KLK10: variants seen among roughly 807,000 people sequenced by gnomAD.
KLK10 encodes the protein kallikrein related peptidase 10.
Under a neutral mutation model 25.7 loss-of-function variants are expected in KLK10, and 27 were observed. The ratio of observed to expected loss-of-function variants is 1.05; its 90% CI spans 0.77 to 1.45. KLK10 has a LOEUF of 1.45. Ranked by LOEUF, KLK10 falls within the 40% of genes most tolerant of loss-of-function variation. The probability of loss-of-function intolerance (pLI) is 0.00; values close to 1 mark genes in which losing one functional copy is unlikely to be tolerated. For synonymous variants in KLK10, 173 were observed against 160.1 expected, an observed-to-expected ratio of 1.08 and a Z score of -0.61; for missense variants, 386 against 370.0, an observed-to-expected ratio of 1.04 and a Z score of -0.35.
In KLK10 at chr19:51,015,935, T is replaced by G; in HGVS notation, c.491A>C (p.Gln164Pro). 1 of 1,590,512 alleles carries G rather than the reference T, an allele frequency of 6.3e-7. No individual in the cohort carries two copies. Among genetic ancestry groups the G allele is most frequent in the Non-Finnish European group, 8.5e-7 (1 of 1,171,326 alleles). The change falls in exon 4 of 6, where the codon CAG becomes CCG. Residue 164 changes from glutamine (Q) to proline (P), a missense_variant. Coordinates refer to ENST00000358789, the MANE Select transcript of KLK10 (RefSeq NM_145888.3). ...RALQLPYRCA[Q>P]PGDQCQVAGW... ...AGCAACCTGGCACTGGTCTCCGGGC[T>G]GAGCACAGCGGTAGGGAAGCTGCAG... is the stretch of plus-strand genomic sequence containing the variant.
In KLK10 at chr19:51,015,878, T is replaced by C; in HGVS notation, c.544+4A>G. The stretch of plus-strand genomic sequence containing the variant: ...GGTTCCGGCCTCAGAGCCCCAGCTC[T>C]TGCCTCTCCGGGCGGCCGTGGTGCC... On this transcript the variant is annotated splice_donor_region_variant and intron_variant, in intron 4 of 5. Coordinates refer to ENST00000358789, the MANE Select transcript of KLK10 (RefSeq NM_145888.3). 1 of 1,535,852 alleles carries C rather than the reference T, an allele frequency of 6.5e-7. No homozygotes were observed. Among genetic ancestry groups the C allele is most frequent in the Non-Finnish European group, 8.7e-7 (1 of 1,144,102 alleles).
intron 2 of KLK10, 169 bp downstream of exon 2, chr19:51,018,874 C>A (rs965354535): frequency 1.1e-5 from 7 of 613,946 alleles, no homozygotes; most frequent in Non-Finnish European, 2.0e-5. Context: ...AGGGGCCGAG[C>A]CAGAAGAAGG....
chr19:51,019,874 G>A (rs915636496), upstream of KLK10: 6 of 152,036 alleles, frequency 3.9e-5, no homozygotes, highest in African/African-American at 1.5e-4. This position sits in a 1 kb window ranked among gnomAD's most constrained non-coding sequence, Gnocchi z 4.2. Flanking sequence ...GAGGGGCCCT[G>A]GAATACAGGC....
chr19:51,017,020 G>A, intron 3 of KLK10, 90 bp downstream of exon 3: 3 of 1,277,976 alleles, frequency 2.3e-6, no homozygotes, highest in Non-Finnish European at 3.2e-6. Flanking sequence ...CCAGCTGTGG[G>A]AGTTCCGAGA....
chr19:51,014,848 C>G lies in KLK10; in HGVS notation c.783G>C (p.Gln261His), dbSNP rs765796058. 1.2e-6 allele frequency: 2 copies of G among 1,614,078 alleles called. No homozygotes were observed. The highest frequency in any genetic ancestry group is 1.7e-6 in the Non-Finnish European group (2 of 1,179,992). Residue 261 changes from glutamine to histidine, a missense_variant, in exon 6 of 6, where the codon CAG (glutamine) becomes CAC (histidine). Gln to His is a conservative substitution (Grantham distance 24). Transcript: ENST00000358789. ...TGATCCAGGACATGTATTTGCAGATCTGGGTGTAGACAGCTGGATGCTGGG... is the reference window on the plus strand; with the variant it reads ...TGATCCAGGACATGTATTTGCAGATGTGGGTGTAGACAGCTGGATGCTGGG... ...GSAQHPAVYT[Q>H]ICKYMSWINK...
rs995804738 is a variant in KLK10 at position 51,015,712 on chromosome 19, G to A, written c.545-162C>T. The A allele has an allele frequency of 7.5e-6, 8 of 1,062,342 alleles. No homozygotes were observed. In the African/African-American group the frequency reaches 8.0e-5, roughly 11 times the overall value. 65.8% of individuals were successfully genotyped at this position (1,062,342 alleles called of 1,614,324 possible). ...TCCCCACTTAGACCCAGGAGTCCAG[G>A]CCCCCAGCCCCTCCTCCCCTCAGAC... On this transcript the variant is annotated intron_variant, in intron 4 of 5. Transcript: ENST00000358789.
At position 51,015,930 on chromosome 19, in the gene KLK10, C is replaced by T. The variant is rs767124161; in HGVS notation, c.496G>A (p.Gly166Arg). The T allele has an allele frequency of 5.4e-5, 85 of 1,588,354 alleles. No individual in the cohort carries two copies. Among genetic ancestry groups the T allele is most frequent in the Middle Eastern group, 1.7e-4 (1 of 5,936 alleles). The change falls in exon 4 of 6, where the codon GGA (glycine) becomes AGA (arginine). Residue 166 changes from glycine (G) to arginine (R), a missense_variant. Physicochemically the swap from Gly to Arg is moderately radical, Grantham distance 125. Coordinates refer to ENST00000358789, the MANE Select transcript of KLK10 (RefSeq NM_145888.3). The part of the protein sequence containing the change: ...LQLPYRCAQP[G>R]DQCQVAGWGT... ...CAGCCAGCAACCTGGCACTGGTCTC[C>T]GGGCTGAGCACAGCGGTAGGGAAGC...
chr19:51,013,636 A>G lies in KLK10; in HGVS notation c.*1164T>C, dbSNP rs2739432. 0.64 allele frequency: 98,139 copies of G among 153,506 alleles called. 32,567 individuals are homozygous for G. Among genetic ancestry groups the G allele is most frequent in the African/African-American group, 0.83 (34,350 of 41,480 alleles). 9.5% of individuals were successfully genotyped at this position (153,506 alleles called of 1,614,324 possible). On this transcript the variant is annotated 3_prime_UTR_variant, in exon 6 of 6. Coordinates refer to ENST00000358789, the MANE Select transcript of KLK10 (RefSeq NM_145888.3). ...GATGGGATTTCACCATTTTGGCCAG[A>G]CTGGTCTCGAACACCTGACCTCAGA... is the stretch of plus-strand genomic sequence containing the variant.
chr19:51,015,716 C>A lies in KLK10; in HGVS notation c.544+166G>T, dbSNP rs2091317400. 3 of 1,073,200 alleles carry A rather than the reference C, an allele frequency of 2.8e-6. No individual in the cohort carries two copies. The Admixed American group carries it at 7.7e-5, about 28-fold the overall frequency. 66.5% of individuals were successfully genotyped at this position (1,073,200 alleles called of 1,614,324 possible). On this transcript the variant is annotated intron_variant, in intron 4 of 5. Coordinates refer to ENST00000358789, the MANE Select transcript of KLK10 (RefSeq NM_145888.3). ...CACTTAGACCCAGGAGTCCAGGCCC[C>A]CAGCCCCTCCTCCCCTCAGACTCAC...
chr19:51,019,947 T>C (rs2569454), upstream of KLK10: 100,755 of 151,730 alleles, frequency 0.66, 35,435 homozygotes, highest in African/African-American at 0.91. The surrounding 1 kb of genome is among the most constrained non-coding windows in gnomAD (Gnocchi z 4.2). Flanking sequence ...GTGGGGATTC[T>C]CCGGGTCCCG....
At position 51,019,022 on chromosome 19, in the gene KLK10, G is replaced by T. The variant is rs1472442621; in HGVS notation, c.88+21C>A. The stretch of plus-strand genomic sequence containing the variant: ...GTGCCTCCCACCGGCGCCTCTCCCC[G>T]CCCCCTGCCCCCGACCTTACCCCAG... On this transcript the variant is annotated intron_variant, in intron 2 of 5. Coordinates refer to ENST00000358789, the MANE Select transcript of KLK10 (RefSeq NM_145888.3). The surrounding 1 kb of genome is among the most constrained non-coding windows in gnomAD (Gnocchi z 4.2). 33 of 1,459,234 alleles carry T rather than the reference G, an allele frequency of 2.3e-5. No individual in the cohort carries two copies. The highest frequency in any genetic ancestry group is 3.0e-5 in the Non-Finnish European group (32 of 1,062,768). 90.4% of individuals were successfully genotyped at this position (1,459,234 alleles called of 1,614,324 possible).
intron 2 of KLK10, chr19:51,018,724 C>T: frequency 2.5e-6 from 1 of 393,588 alleles, no homozygotes; most frequent in East Asian, 5.4e-5. Flanking sequence ...ACAAACAAAA[C>T]AAAACACGGT....
chr19:51,016,536 T>A (rs1200924810), intron 3 of KLK10, among the ~76,000 whole-genome samples: 1 of 151,032 alleles, frequency 6.6e-6, no homozygotes, highest in Non-Finnish European at 1.5e-5. Context: ...TAGCTGGGAT[T>A]ACAGGCACCC....
Position 51,015,568 on chromosome 19 carries a change from C to T in KLK10, c.545-18G>A. The T allele has an allele frequency of 6.2e-7, 1 of 1,611,714 alleles. No individual in the cohort carries two copies. Among genetic ancestry groups the T allele is most frequent in the Non-Finnish European group, 8.5e-7 (1 of 1,178,036 alleles). On this transcript the variant is annotated intron_variant, in intron 4 of 5. Transcript: ENST00000358789. ...GTACTTCACTGAAGGGAGAATATGCCAGTAATCCCTGGGTCCAGCCCCCAA... is the reference window on the plus strand; with the variant it reads ...GTACTTCACTGAAGGGAGAATATGCTAGTAATCCCTGGGTCCAGCCCCCAA...
chr19:51,018,919 G>T, intron 2 of KLK10, 124 bp downstream of exon 2: 2 of 741,844 alleles, frequency 2.7e-6, no homozygotes, highest in Non-Finnish European at 4.5e-6. Context: ...GTGCTCCGGA[G>T]CGCTGGGTGG....
chr19:51,015,452 A>G lies in KLK10; in HGVS notation c.643T>C (p.Cys215Arg). The G allele has an allele frequency of 1.9e-6, 3 of 1,613,780 alleles. No individual in the cohort carries two copies. The highest frequency in any genetic ancestry group is 2.5e-6 in the Non-Finnish European group (3 of 1,179,874). ...YPGVVTNNMICAGLDRGQDPC... is the reference protein window; with the variant it reads ...YPGVVTNNMIRAGLDRGQDPC... The stretch of plus-strand genomic sequence containing the variant: ...TCCTGGCCCCGGTCCAGTCCAGCAC[A>G]TATCATGTTGTTGGTGACCACGCCA... The change falls in exon 5 of 6, where the codon TGT becomes CGT. Residue 215 changes from cysteine to arginine, a missense_variant. Transcript: ENST00000358789.
rs773085165 is a variant in KLK10 at position 51,019,023 on chromosome 19, C to T, written c.88+20G>A. 2.6e-6 allele frequency: 4 copies of T among 1,559,818 alleles called. No individual in the cohort carries two copies. The highest frequency in any genetic ancestry group is 2.3e-5 in the South Asian group (2 of 87,554). On this transcript the variant is annotated intron_variant, in intron 2 of 5. Transcript: ENST00000358789. The surrounding 1 kb of genome is among the most constrained non-coding windows in gnomAD (Gnocchi z 4.2). ...TGCCTCCCACCGGCGCCTCTCCCCGCCCCCTGCCCCCGACCTTACCCCAGA... is the reference window on the plus strand; with the variant it reads ...TGCCTCCCACCGGCGCCTCTCCCCGTCCCCTGCCCCCGACCTTACCCCAGA...
chr19:51,017,936 G>A (rs1489428456), intron 2 of KLK10, among the ~76,000 whole-genome samples: 1 of 147,440 alleles, frequency 6.8e-6, no homozygotes, highest in African/African-American at 2.5e-5. Flanking sequence ...AGGAGGTGGA[G>A]GTTGCAATGA....
intron 2 of KLK10, 147 bp downstream of exon 2, chr19:51,018,896 T>G: frequency 1.5e-6 from 1 of 651,980 alleles, no homozygotes; most frequent in East Asian, 2.8e-5. Context: ...CCCAGCTGAC[T>G]TGGGGGCGGG....
Sources: allele counts gnomAD v4.1 joint callset (sites outside exome capture counted in the v4.1 genomes callset), GRCh38; gene constraint gnomAD v4.1.1; non-coding constraint Gnocchi (gnomAD v3.1); transcripts MANE v1.5; gene names NCBI Gene and HGNC (gene_info 2026-07-23, HGNC 2026-07-21).